RTN1: variants seen among roughly 807,000 people sequenced by gnomAD.
The protein encoded by RTN1 is reticulon 1, also known as reticulon-1.
A neutral mutation model predicts 65.5 loss-of-function variants in RTN1; 25 were observed. That is an observed-to-expected ratio of 0.38 (90% CI 0.28 to 0.53). The LOEUF (loss-of-function observed/expected upper bound fraction) is 0.53, where lower values mean the gene tolerates loss of function less well. RTN1 is among the 20% of genes least tolerant of loss of function. The pLI, the probability that RTN1 is intolerant of heterozygous loss-of-function variation, is 0.79. For missense variants in RTN1, 983 were observed against 1,025.4 expected, an observed-to-expected ratio of 0.96 and a Z score of 0.57; for synonymous variants, 471 against 447.6, an observed-to-expected ratio of 1.05 and a Z score of -0.66.
At chr14:59,664,992 C>T (rs73309652) in intron 3 of RTN1, among the ~76,000 whole-genome samples, 2,993 of 152,144 alleles carry the variant, frequency 0.02, 104 homozygotes, top group African/African-American at 0.068. Flanking sequence ...ACATTCTTGC[C>T]GCATTTAGTG....
chr14:59,648,050 A>C (rs1004283268), intron 3 of RTN1, among the ~76,000 whole-genome samples: 2 of 152,176 alleles, frequency 1.3e-5, no homozygotes, highest in Middle Eastern at 3.2e-3. Context: ...CTAGACTAAT[A>C]AAGAAGAAAA....
intron 8 of RTN1, among the ~76,000 whole-genome samples, chr14:59,601,059 A>C (rs1437389326): frequency 6.6e-6 from 1 of 152,232 alleles, no homozygotes; most frequent in Non-Finnish European, 1.5e-5. Context: ...AAAAACATCA[A>C]GGGGTGGCCA....
At chr14:59,654,718 T>C (rs141681925) in intron 3 of RTN1, among the ~76,000 whole-genome samples, 1 of 152,086 alleles carries the variant, frequency 6.6e-6, no homozygotes, top group African/African-American at 2.4e-5. Context: ...ATTATCTCAA[T>C]GCAGAAAAAA....
At chr14:59,859,693 G>T (rs980794446) in intron 1 of RTN1, among the ~76,000 whole-genome samples, 11 of 152,208 alleles carry the variant, frequency 7.2e-5, no homozygotes, top group African/African-American at 2.7e-4. Context: ...TTGTTAAACG[G>T]CTTTGACCAA....
At chr14:59,841,271 G>A (rs1239753788) in intron 1 of RTN1, among the ~76,000 whole-genome samples, 1 of 152,148 alleles carries the variant, frequency 6.6e-6, no homozygotes, top group African/African-American at 2.4e-5. Flanking sequence ...TGCAAGTAAT[G>A]AAGGAATAAA....
intron 3 of RTN1, among the ~76,000 whole-genome samples, chr14:59,639,074 G>A (rs565921416): frequency 3.9e-5 from 6 of 152,288 alleles, no homozygotes; most frequent in South Asian, 2.1e-4. Context: ...TGGCCTAACC[G>A]AAATACTGCA....
chr14:59,835,009 C>T (rs1274538836), intron 1 of RTN1, among the ~76,000 whole-genome samples: 1 of 152,062 alleles, frequency 6.6e-6, no homozygotes, highest in East Asian at 1.9e-4. Context: ...AGTATTAATC[C>T]AAGAAAATTG....
Position 59,596,373 on chromosome 14 carries a change from C to T in RTN1, c.*372G>A, listed in dbSNP as rs1235062284. 5.9e-6 allele frequency: 1 copy of T among 169,010 alleles called. No homozygotes were observed. The highest frequency in any genetic ancestry group is 1.6e-4 in the East Asian group (1 of 6,108). The allele number at this position is 169,010 out of a possible 1,614,324, so 10.5% of individuals were successfully genotyped here. On this transcript the variant is annotated 3_prime_UTR_variant, in exon 9 of 9. Coordinates refer to ENST00000267484, the MANE Select transcript of RTN1 (RefSeq NM_021136.3). ...ATATAAGCGATTTCCACTATTGCAT[C>T]AGAGCACTCGGCAGGAAAGGCCTAG...
chr14:59,730,673 T>C (rs1243935493), intron 2 of RTN1, among the ~76,000 whole-genome samples: 1 of 152,058 alleles, frequency 6.6e-6, no homozygotes, highest in Non-Finnish European at 1.5e-5. Flanking sequence ...GGCAAGCCAA[T>C]TAAAAATGGG....
chr14:59,839,304 C>CT (rs1454605853), intron 1 of RTN1, among the ~76,000 whole-genome samples: 3 of 152,100 alleles, frequency 2.0e-5, no homozygotes, highest in African/African-American at 4.8e-5. Context: ...TACAGGAACC[C>CT]TATCTTCCTT....
chr14:59,832,890 C>A (rs1024325445), intron 1 of RTN1, among the ~76,000 whole-genome samples: 6 of 152,178 alleles, frequency 3.9e-5, no homozygotes, highest in Non-Finnish European at 7.4e-5. Context: ...CCTCACTGCT[C>A]CAGCATGTTG....
chr14:59,839,631 C>A (rs1887274888), intron 1 of RTN1, among the ~76,000 whole-genome samples: 1 of 152,112 alleles, frequency 6.6e-6, no homozygotes, highest in Non-Finnish European at 1.5e-5. Flanking sequence ...CAAAGTATTA[C>A]TCTATATATG....
intron 3 of RTN1, among the ~76,000 whole-genome samples, chr14:59,676,604 G>A (rs1468226941): frequency 6.6e-6 from 1 of 152,136 alleles, no homozygotes; most frequent in African/African-American, 2.4e-5. Context: ...GATCAAAGAG[G>A]AGGCAGGACA....
chr14:59,695,523 C>T (rs1399182214), intron 3 of RTN1, among the ~76,000 whole-genome samples: 3 of 152,062 alleles, frequency 2.0e-5, no homozygotes, highest in African/African-American at 4.8e-5. Context: ...GGTTCCAAAA[C>T]GAAAACATGC....
chr14:59,727,135 C>T lies in RTN1; in HGVS notation c.1549G>A (p.Ala517Thr). Residue 517 changes from alanine to threonine, a missense_variant, in exon 3 of 9, where the codon GCC becomes ACC. Around this residue, in one of 2 missense-constraint regions of RTN1, gnomAD observed 818 missense variants for 801.8 expected, o/e 1.02. Transcript: ENST00000267484. This position sits in a 1 kb window ranked among gnomAD's most constrained non-coding sequence, Gnocchi z 4.2. ...EERAPSRRGL[A>T]EPGSFLDYPS... ...TAGTCGAGGAAGGAACCCGGCTCGG[C>T]CAGGCCCCGCCGGCTTGGCGCACGC... The T allele has an allele frequency of 6.2e-7, 1 of 1,603,420 alleles. No individual in the cohort carries two copies. The highest frequency in any genetic ancestry group is 8.5e-7 in the Non-Finnish European group (1 of 1,175,092).
chr14:59,767,241 G>A (rs1420107671), intron 1 of RTN1, among the ~76,000 whole-genome samples: 1 of 152,188 alleles, frequency 6.6e-6, no homozygotes, highest in Admixed American at 6.5e-5. Flanking sequence ...TTGAATGAAA[G>A]TAATATGTGT....
intron 1 of RTN1, among the ~76,000 whole-genome samples, chr14:59,761,969 G>C (rs1885756888): frequency 6.6e-6 from 1 of 152,156 alleles, no homozygotes; most frequent in South Asian, 2.1e-4. Context: ...AAGCGGTAAT[G>C]CTGTTAGGAA....
intron 3 of RTN1, among the ~76,000 whole-genome samples, chr14:59,668,983 AGGCACCCTTTTACACTCTT>A (rs1883441241): frequency 6.6e-6 from 1 of 152,108 alleles, no homozygotes; most frequent in Non-Finnish European, 1.5e-5. Context: ...GTGGAGTAAC[AGGCACCCTTTTACACTCTT>A]GGTGGGAGTG....
At chr14:59,630,107 A>C (rs1882502768) in intron 3 of RTN1, among the ~76,000 whole-genome samples, 1 of 152,102 alleles carries the variant, frequency 6.6e-6, no homozygotes, top group African/African-American at 2.4e-5. Flanking sequence ...ATAAGAAAGC[A>C]CTTTAACTCC....
Sources: gnomAD v4.1 joint callset for allele counts (sites outside exome capture counted in the v4.1 genomes callset) on GRCh38, gnomAD v4.1.1 for gene constraint, gnomAD v4.1.1 regional missense constraint, Gnocchi (gnomAD v3.1) non-coding constraint, MANE v1.5 for transcripts, NCBI Gene and HGNC (gene_info 2026-07-23, HGNC 2026-07-21) for gene names.